The following ASMT variants were observed in gnomAD, a reference collection of about 807,000 sequenced individuals.
ASMT encodes acetylserotonin O-methyltransferase, also known as acetylserotonin N-methyltransferase.
ASMT carries 53 observed loss-of-function variants against 41.3 expected under a neutral mutation model. The observed-to-expected ratio is 1.28, with a 90% confidence interval of 1.03 to 1.61. The LOEUF (loss-of-function observed/expected upper bound fraction) is 1.61. ASMT is among the 40% of genes most tolerant of loss of function. The pLI, the probability that ASMT is intolerant of heterozygous loss-of-function variation, is 0.00. For missense variants in ASMT, 531 were observed against 441.3 expected, an observed-to-expected ratio of 1.20 and a Z score of -1.82; for synonymous variants, 231 against 184.8, an observed-to-expected ratio of 1.25 and a Z score of -2.03.
rs781233398 is a variant in ASMT at position 1,633,301 on chromosome X, G to A, written c.787+11G>A. ...TTGACTTCCAGGAAGGTGTGTTTGTGTCCGTGGGGAAGCAGAGATGTGTCT... is the reference window on the plus strand; with the variant it reads ...TTGACTTCCAGGAAGGTGTGTTTGTATCCGTGGGGAAGCAGAGATGTGTCT... On this transcript the variant is annotated intron_variant, in intron 7 of 8. Coordinates refer to ENST00000381241, the MANE Select transcript of ASMT (RefSeq NM_001171038.2). 54 of 1,613,794 alleles carry A rather than the reference G, an allele frequency of 3.3e-5. No homozygotes were observed. The highest frequency in any genetic ancestry group is 4.4e-5 in the Non-Finnish European group (52 of 1,179,864).
At chrX:1,642,690 G>A (rs1326102025) in intron 8 of ASMT, 113 bp from the exon 9 acceptor site, 4 of 942,626 alleles carry the variant, frequency 4.2e-6, no homozygotes, top group South Asian at 1.4e-5. Flanking sequence ...GTGTGATGGG[G>A]ACGGTGCCCT....
rs185426058 is a variant in ASMT, at chrX:1,633,545, G to A, written c.787+255G>A. ...GGCTGGAGTGCAGTGGTGCAGTCTC[G>A]GCTCACTGCAACCTCCACCTCCTGG... On this transcript the variant is annotated intron_variant, in intron 7 of 8. Coordinates refer to ENST00000381241, the MANE Select transcript of ASMT (RefSeq NM_001171038.2). Among the ~76,000 whole-genome samples, 6 of 151,948 alleles carry A rather than the reference G, an allele frequency of 3.9e-5. No individual in the cohort carries two copies. In the South Asian group the frequency reaches 8.3e-4, roughly 21 times the overall value.
intron 5 of ASMT, 25 bp downstream of exon 5, chrX:1,629,964 C>A: frequency 6.4e-7 from 1 of 1,564,168 alleles, no homozygotes; most frequent in South Asian, 1.1e-5. Context: ...CCACTAATAC[C>A]TCGGAGGTGT....
intron 4 of ASMT, among the ~76,000 whole-genome samples, chrX:1,628,926 C>G (rs1299974880): frequency 3.3e-5 from 4 of 120,852 alleles, no homozygotes; most frequent in Non-Finnish European, 7.0e-5. Flanking sequence ...CCGTTTCTCT[C>G]TTTCTTTCTC....
Position 1,628,040 on chromosome X carries a change from G to A in ASMT, c.443+269G>A, listed in dbSNP as rs781516543. The A allele has an allele frequency of 3.2e-4, 176 of 547,256 alleles. No homozygotes were observed. In the South Asian group the frequency reaches 3.3e-3, roughly 10 times the overall value. 33.9% of individuals were successfully genotyped at this position (547,256 alleles called of 1,614,324 possible). A position where few individuals can be genotyped will look rare whatever the true frequency, so the allele number is the denominator to read the frequency against. On this transcript the variant is annotated intron_variant, in intron 4 of 8. Coordinates refer to ENST00000381241, the MANE Select transcript of ASMT (RefSeq NM_001171038.2). ...GTTTATGTAGAAAATGGAGGCACGC[G>A]CCGGGCGCGGTGGCTCACGCCTGTC...
intron 2 of ASMT, 74 bp from the exon 3 acceptor site, chrX:1,624,195 C>T (rs748407743): frequency 1.9e-5 from 30 of 1,581,408 alleles, no homozygotes; most frequent in African/African-American, 1.5e-4. Context: ...ACGATGTTGT[C>T]GAGCTGGGGA....
intron 3 of ASMT, among the ~76,000 whole-genome samples, chrX:1,625,742 C>G (rs1287482549): frequency 6.6e-6 from 1 of 151,428 alleles, no homozygotes; most frequent in East Asian, 2.0e-4. Flanking sequence ...ATCACGAGGT[C>G]AGGAGATCGA....
At chrX:1,615,898 T>C (rs1249463947) in intron 1 of ASMT, among the ~76,000 whole-genome samples, 21 of 152,122 alleles carry the variant, frequency 1.4e-4, no homozygotes, top group African/African-American at 4.6e-4. Context: ...ACTGCAAGTG[T>C]TGAAATTTTT....
At position 1,624,269 on chromosome X, in the gene ASMT, C is replaced by G. The variant is rs1267490714; in HGVS notation, c.245C>G (p.Ala82Gly). The G allele has an allele frequency of 6.2e-7, 1 of 1,613,844 alleles. No homozygotes were observed. The highest frequency in any genetic ancestry group is 1.3e-5 in the African/African-American group (1 of 74,938). The change falls in exon 3 of 9, where the codon GCT (alanine) becomes GGT (glycine). Residue 82 changes from alanine to glycine, a missense_variant and splice_region_variant. Coordinates refer to ENST00000381241, the MANE Select transcript of ASMT (RefSeq NM_001171038.2). ...LLKVETRGGK[A>G]FYRNTELSSD... The stretch of plus-strand genomic sequence containing the variant: ...CCCTGTTTTTTTGTGTGTGTTTCAG[C>G]TTTCTATCGAAACACAGAGCTGTCC...
At chrX:1,618,858 A>G (rs777479433) in intron 1 of ASMT, among the ~76,000 whole-genome samples, 1 of 152,312 alleles carries the variant, frequency 6.6e-6, no homozygotes, top group Admixed American at 6.5e-5. Flanking sequence ...TCATTCAAAG[A>G]CTGTCGCTGG....
intron 1 of ASMT, among the ~76,000 whole-genome samples, chrX:1,616,900 G>T (rs1203929957): frequency 1.1e-4 from 16 of 151,894 alleles, no homozygotes; most frequent in Non-Finnish European, 2.2e-4. Flanking sequence ...AGTAGAGACG[G>T]GGTTTCACCG....
intron 3 of ASMT, among the ~76,000 whole-genome samples, chrX:1,625,945 A>C (rs1439253631): frequency 2.7e-5 from 3 of 109,118 alleles, no homozygotes; most frequent in Non-Finnish European, 5.3e-5. Context: ...ACAGAGCGAG[A>C]CTCCATCTCA....
chrX:1,622,837 G>T (rs745389542), intron 1 of ASMT, among the ~76,000 whole-genome samples: 1 of 151,726 alleles, frequency 6.6e-6, no homozygotes, highest in Non-Finnish European at 1.5e-5. Context: ...GTGTGAAGCC[G>T]GGAGGCAGAG....
chrX:1,627,858 A>ATGGAT, intron 4 of ASMT, 87 bp downstream of exon 4: 2 of 1,252,084 alleles, frequency 1.6e-6, no homozygotes, highest in Non-Finnish European at 2.4e-6. Flanking sequence ...ATTTACTCAA[A>ATGGAT]TGGCACAACC....
chrX:1,625,466 C>T (rs1211546075), intron 3 of ASMT, among the ~76,000 whole-genome samples: 3 of 141,046 alleles, frequency 2.1e-5, no homozygotes, highest in African/African-American at 7.8e-5. Flanking sequence ...TGCACTGCAG[C>T]CTGGGCAACA....
chrX:1,625,419 C>A (rs1934496614), intron 3 of ASMT, among the ~76,000 whole-genome samples: 1 of 151,092 alleles, frequency 6.6e-6, no homozygotes, highest in Non-Finnish European at 1.5e-5. Flanking sequence ...CTGCTTGAAC[C>A]CAGAAGGCAG....
rs1934168090 is a variant in ASMT, at chrX:1,617,232, G to A, written c.69+1964G>A. Among the ~76,000 whole-genome samples the A allele has an allele frequency of 2.6e-5, 4 of 151,764 alleles. No individual in the cohort carries two copies. In the South Asian group the frequency reaches 8.3e-4, roughly 32 times the overall value. ...GCCTGTCATCCCAGCACTTTTTGGG[G>A]TCCAAGGTGGGCGGATCACTTGAGG... On this transcript the variant is annotated intron_variant, in intron 1 of 8. Coordinates refer to ENST00000381241, the MANE Select transcript of ASMT (RefSeq NM_001171038.2).
Position 1,625,108 on chromosome X carries a change from CTT to C in ASMT, c.374+723_374+724del, listed in dbSNP as rs58353783. Among the ~76,000 whole-genome samples, 1,045 of 136,008 alleles carry C rather than the reference CTT, an allele frequency of 7.7e-3. 22 individuals carry two copies. Among genetic ancestry groups the C allele is most frequent in the African/African-American group, 0.025 (920 of 36,276 alleles). The allele number at this position is 136,008 out of a possible 152,430, so 89.2% of individuals were successfully genotyped here. On this transcript the variant is annotated intron_variant, in intron 3 of 8. Transcript: ENST00000381241. ...CTTTGTTTTTTCTTTTCTTTTCTTT[CTT>C]TTTTTTTTTTTTGAGATGGAGTCTT...
Position 1,642,958 on chromosome X carries a change from G to C in ASMT, c.1066G>C (p.Asp356His). The change falls in exon 9 of 9, where the codon GAC (aspartate) becomes CAC (histidine). Residue 356 changes from aspartate to histidine, a missense_variant. Physicochemically the swap from Asp to His is moderately conservative, Grantham distance 81. Coordinates refer to ENST00000381241, the MANE Select transcript of ASMT (RefSeq NM_001171038.2). Reference sequence around the variant, plus strand: ...GCTCCTCTCTTCTGCTGGCTTCAGAGACTTCCAGTTTAAGAAAACAGGAGC... The same window carrying C: ...GCTCCTCTCTTCTGCTGGCTTCAGACACTTCCAGTTTAAGAAAACAGGAGC... Reference protein sequence around the residue: ...HMLLSSAGFRDFQFKKTGAIY... With the variant: ...HMLLSSAGFRHFQFKKTGAIY... 5.6e-6 allele frequency: 9 copies of C among 1,613,962 alleles called. No homozygotes were observed. The highest frequency in any genetic ancestry group is 6.8e-6 in the Non-Finnish European group (8 of 1,179,876).
Sources: gnomAD v4.1 joint callset for allele counts (sites outside exome capture counted in the v4.1 genomes callset) on GRCh38, gnomAD v4.1.1 for gene constraint, MANE v1.5 for transcripts, NCBI Gene and HGNC (gene_info 2026-07-23, HGNC 2026-07-21) for gene names.